BBX: variants seen among roughly 807,000 people sequenced by gnomAD.
BBX encodes HMG box transcription factor BBX.
Under a neutral mutation model 100.2 loss-of-function variants are expected in BBX, and 30 were observed. The observed-to-expected ratio is 0.30, with a 90% CI of 0.22 to 0.41. The LOEUF (loss-of-function observed/expected upper bound fraction) is 0.41, where lower values mean the gene tolerates loss of function less well. BBX is among the 10% of genes least tolerant of loss of function. The pLI is 1.00. For synonymous variants in BBX, 376 were observed against 388.1 expected (o/e 0.97, Z 0.37); for missense variants, 1,023 against 1,129.8 (o/e 0.91, Z 1.35).
intron 2 of BBX, among the ~76,000 whole-genome samples, chr3:107,553,589 T>A (rs2049861924): frequency 7.2e-5 from 11 of 152,176 alleles, no homozygotes; most frequent in Admixed American, 5.2e-4. Flanking sequence ...GAGAGGTAGA[T>A]TTTAGAAACT....
intron 3 of BBX, 179 bp downstream of exon 3, chr3:107,646,088 G>A (rs2057499023): frequency 6.6e-6 from 1 of 152,174 alleles, no homozygotes; most frequent in Non-Finnish European, 1.5e-5. Flanking sequence ...CCATTATCAA[G>A]TAAGTTAAAT....
chr3:107,614,493 CT>C (rs1219589523), intron 2 of BBX, among the ~76,000 whole-genome samples: 3 of 151,542 alleles, frequency 2.0e-5, no homozygotes, highest in Admixed American at 6.6e-5. Flanking sequence ...ATACATGTGA[CT>C]TATGTATATA....
intron 2 of BBX, among the ~76,000 whole-genome samples, chr3:107,557,847 C>G (rs2050193472): frequency 6.6e-6 from 1 of 152,136 alleles, no homozygotes; most frequent in Non-Finnish European, 1.5e-5. Context: ...ACAAAGTTGG[C>G]TAAGGGATAG....
chr3:107,614,507 T>C (rs1222128505), intron 2 of BBX, among the ~76,000 whole-genome samples: 1 of 152,022 alleles, frequency 6.6e-6, no homozygotes, highest in African/African-American at 2.4e-5. Context: ...TGTATATAAA[T>C]AGAATATAGT....
intron 10 of BBX, among the ~76,000 whole-genome samples, chr3:107,761,846 C>T (rs1030184174): frequency 1.3e-5 from 2 of 152,096 alleles, no homozygotes; most frequent in Non-Finnish European, 2.9e-5. Context: ...TCCACTGCTC[C>T]CAATTATTGG....
intron 9 of BBX, among the ~76,000 whole-genome samples, chr3:107,751,580 G>A (rs758818349): frequency 6.6e-6 from 1 of 151,944 alleles, no homozygotes; most frequent in Admixed American, 6.6e-5. Flanking sequence ...AGATGAGAAA[G>A]ATATTTTTCC....
In BBX at chr3:107,711,221, T is replaced by C. The variant is rs555577883; in HGVS notation, c.162+599T>C. The C allele has an allele frequency of 8.1e-4, 343 of 425,706 alleles. 1 individual carries two copies. The highest frequency in any genetic ancestry group is 1.3e-3 in the Non-Finnish European group (276 of 207,318). 26.4% of individuals were successfully genotyped at this position (425,706 alleles called of 1,614,324 possible). The stretch of plus-strand genomic sequence containing the variant: ...CAAAAGATTTTCTTCATGGCACTTA[T>C]TGCTATTTGCCATGTATTTAGCTGT... On this transcript the variant is annotated intron_variant, in intron 4 of 17. Coordinates refer to ENST00000325805, the MANE Select transcript of BBX (RefSeq NM_001142568.3).
At chr3:107,782,226 G>A (rs1046591995) in intron 13 of BBX, among the ~76,000 whole-genome samples, 1 of 152,102 alleles carries the variant, frequency 6.6e-6, no homozygotes, top group Non-Finnish European at 1.5e-5. Context: ...ACTTGATTGT[G>A]ACTGATTGAC....
intron 7 of BBX, among the ~76,000 whole-genome samples, chr3:107,733,669 G>A (rs1020151527): frequency 5.9e-5 from 9 of 152,024 alleles, no homozygotes; most frequent in African/African-American, 2.2e-4. Flanking sequence ...TAGAGACAGG[G>A]TTTTGCCATG....
intron 2 of BBX, among the ~76,000 whole-genome samples, chr3:107,569,528 T>C (rs1345717900): frequency 6.6e-6 from 1 of 151,496 alleles, no homozygotes; most frequent in Non-Finnish European, 1.5e-5. Context: ...TAGTGGAAAA[T>C]TACTGGGGAA....
intron 2 of BBX, among the ~76,000 whole-genome samples, chr3:107,598,509 C>T (rs980545682): frequency 1.3e-5 from 2 of 152,164 alleles, no homozygotes; most frequent in African/African-American, 4.8e-5. Context: ...GAGTAAACAA[C>T]AAACAATTGG....
At chr3:107,750,315 T>C (rs1208076222) in intron 9 of BBX, among the ~76,000 whole-genome samples, 2 of 152,154 alleles carry the variant, frequency 1.3e-5, no homozygotes, top group African/African-American at 2.4e-5. Context: ...AAATTATTAA[T>C]TTGAAAACTT....
intron 13 of BBX, among the ~76,000 whole-genome samples, chr3:107,784,051 A>G (rs2068171887): frequency 6.6e-6 from 1 of 152,016 alleles, no homozygotes; most frequent in South Asian, 2.1e-4. Context: ...TTATTTGTTC[A>G]TGGAATAAAT....
chr3:107,688,552 A>G (rs556767862), intron 3 of BBX, among the ~76,000 whole-genome samples: 2 of 152,306 alleles, frequency 1.3e-5, no homozygotes, highest in South Asian at 2.1e-4. Flanking sequence ...GAATTCTCCA[A>G]TGGCTTTTAT....
chr3:107,696,471 G>A (rs1241228779), intron 3 of BBX, among the ~76,000 whole-genome samples: 2 of 150,880 alleles, frequency 1.3e-5, no homozygotes, highest in East Asian at 3.9e-4. Flanking sequence ...TAGTTTGGCT[G>A]GATATGAAAT....
intron 2 of BBX, among the ~76,000 whole-genome samples, chr3:107,564,578 C>T (rs551785419): frequency 1.2e-4 from 19 of 152,158 alleles, no homozygotes; most frequent in Admixed American, 4.6e-4. Flanking sequence ...CCCATCATCT[C>T]AATCCTCCAC....
chr3:107,663,707 T>G (rs911161855), intron 3 of BBX, among the ~76,000 whole-genome samples: 1 of 152,172 alleles, frequency 6.6e-6, no homozygotes, highest in African/African-American at 2.4e-5. Context: ...TGTAATTCAT[T>G]TATTGTCATA....
intron 2 of BBX, among the ~76,000 whole-genome samples, chr3:107,534,899 G>C (rs532194843): frequency 6.6e-6 from 1 of 152,302 alleles, no homozygotes; most frequent in Non-Finnish European, 1.5e-5. Context: ...GTTGAATGCA[G>C]TTTTTAGAAG....
At chr3:107,718,353 T>A (rs1434462758) in intron 5 of BBX, among the ~76,000 whole-genome samples, 13 of 149,842 alleles carry the variant, frequency 8.7e-5, no homozygotes. Context: ...AAATTGACTG[T>A]TAAAGACAGG....
Sources: allele counts gnomAD v4.1 joint callset (sites outside exome capture counted in the v4.1 genomes callset), GRCh38; gene constraint gnomAD v4.1.1; transcripts MANE v1.5; gene names NCBI Gene and HGNC (gene_info 2026-07-23, HGNC 2026-07-21).